RBFOX1: variants seen among roughly 807,000 people sequenced by gnomAD.
RBFOX1 encodes the protein RNA binding fox-1 homolog 1, also known as RNA binding protein fox-1 homolog 1.
A neutral mutation model predicts 57.7 loss-of-function variants in RBFOX1; 8 were observed. That is an observed-to-expected ratio of 0.14 (90% CI 0.08 to 0.25). The LOEUF is 0.25. Among genes scored for constraint, RBFOX1 ranks in the 10% least tolerant of loss-of-function variants. RBFOX1 has a pLI of 1.00. For missense variants in RBFOX1, 611 were observed against 548.5 expected, an observed-to-expected ratio of 1.11 and a Z score of -1.14; for synonymous variants, 326 against 222.4, an observed-to-expected ratio of 1.47 and a Z score of -4.15.
At chr16:7,170,055 T>C (rs112114178) in intron 4 of RBFOX1, among the ~76,000 whole-genome samples, 30,314 of 152,094 alleles carry the variant, frequency 0.2, 3,451 homozygotes, top group East Asian at 0.42. Context: ...GCCTAGGTGA[T>C]AGAGGAAGAC....
intron 4 of RBFOX1, among the ~76,000 whole-genome samples, chr16:7,345,310 C>G (rs546881288): frequency 6.6e-5 from 10 of 152,234 alleles, no homozygotes; most frequent in Admixed American, 6.5e-4. Context: ...AGTGTAAACA[C>G]TGAGGGGCCT....
intron 1 of RBFOX1, among the ~76,000 whole-genome samples, chr16:6,251,439 T>C (rs2097610858): frequency 6.6e-6 from 1 of 152,140 alleles, no homozygotes. Context: ...CTAAGGTCCT[T>C]AGGTCTCCAA....
chr16:7,407,086 T>C (rs1197099196), intron 4 of RBFOX1, among the ~76,000 whole-genome samples: 1 of 152,098 alleles, frequency 6.6e-6, no homozygotes, highest in Non-Finnish European at 1.5e-5. Flanking sequence ...TTTCATAGGT[T>C]TTTGGGGGAA....
intron 4 of RBFOX1, among the ~76,000 whole-genome samples, chr16:7,187,576 C>G (rs2084197153): frequency 6.6e-6 from 1 of 151,206 alleles, no homozygotes; most frequent in Non-Finnish European, 1.5e-5. Flanking sequence ...GTAGTCCCAC[C>G]TACTCGGGAG....
intron 4 of RBFOX1, among the ~76,000 whole-genome samples, chr16:7,132,433 GACACACAC>G (rs36226659): frequency 0.13 from 19,342 of 144,594 alleles, 1,338 homozygotes; most frequent in East Asian, 0.26. Context: ...GTGATACACA[GACACACAC>G]ACACACACAC....
At chr16:7,023,631 C>G (rs1368933585) in intron 3 of RBFOX1, among the ~76,000 whole-genome samples, 2 of 141,288 alleles carry the variant, frequency 1.4e-5, no homozygotes, top group African/African-American at 5.4e-5. Context: ...ATAATTTCAG[C>G]ACTGGGAAGG....
chr16:6,951,364 C>G (rs769030657), intron 3 of RBFOX1, among the ~76,000 whole-genome samples: 7 of 152,098 alleles, frequency 4.6e-5, no homozygotes, highest in African/African-American at 1.7e-4. Flanking sequence ...CTCTTTCTAC[C>G]AAATAAATCA....
intron 2 of RBFOX1, among the ~76,000 whole-genome samples, chr16:6,573,406 C>T (rs2097373063): frequency 6.6e-6 from 1 of 152,160 alleles, no homozygotes; most frequent in Admixed American, 6.5e-5. Flanking sequence ...TTATCCTGGC[C>T]TGTCTCTTGA....
chr16:7,427,096 G>A (rs538449916), intron 4 of RBFOX1, among the ~76,000 whole-genome samples: 11 of 152,244 alleles, frequency 7.2e-5, no homozygotes, highest in Admixed American at 2.6e-4. Flanking sequence ...GGGGAACATC[G>A]TGTGACCGGG....
At position 6,019,839 on chromosome 16, in the gene RBFOX1, G is replaced by A; in HGVS notation, c.-280G>A. On this transcript the variant is annotated 5_prime_UTR_variant, in exon 1 of 16. Coordinates refer to ENST00000550418, the MANE Select transcript of RBFOX1 (RefSeq NM_018723.4). This position sits in a 1 kb window ranked among gnomAD's most constrained non-coding sequence, Gnocchi z 4.2. Reference sequence around the variant, plus strand: ...AGGCGCGCCAGGGCGGGGCTGACCTGCCCGCGAAGTTGCGGACAGTGCGTG... The same window carrying A: ...AGGCGCGCCAGGGCGGGGCTGACCTACCCGCGAAGTTGCGGACAGTGCGTG... 1 of 1,524,826 alleles carries A rather than the reference G, an allele frequency of 6.6e-7. No homozygotes were observed. The highest frequency in any genetic ancestry group is 1.2e-5 in the South Asian group (1 of 83,012). The allele number at this position is 1,524,826 out of a possible 1,614,324, so 94.5% of individuals were successfully genotyped here.
At chr16:6,937,004 A>C (rs1411998141) in intron 3 of RBFOX1, among the ~76,000 whole-genome samples, 1 of 151,546 alleles carries the variant, frequency 6.6e-6, no homozygotes, top group East Asian at 1.9e-4. Flanking sequence ...ATGACGAGTT[A>C]GTGGGGGTAG....
At chr16:6,445,422 G>A (rs1263294455) in intron 2 of RBFOX1, among the ~76,000 whole-genome samples, 1 of 151,920 alleles carries the variant, frequency 6.6e-6, no homozygotes, top group African/African-American at 2.4e-5. Context: ...TCTCAGTTGA[G>A]GTTATTGCGT....
intron 2 of RBFOX1, among the ~76,000 whole-genome samples, chr16:5,502,120 G>A (rs1013350476): frequency 6.6e-6 from 1 of 152,118 alleles, no homozygotes; most frequent in Admixed American, 6.5e-5. Context: ...CCGGCAGAAG[G>A]TGGTTGTAGG....
chr16:6,312,329 C>G (rs2080431771), intron 1 of RBFOX1, among the ~76,000 whole-genome samples: 1 of 152,134 alleles, frequency 6.6e-6, no homozygotes, highest in African/African-American at 2.4e-5. Context: ...CCCCAAAACC[C>G]TCCTCCATGG....
At chr16:5,790,813 T>C (rs1162219678) in intron 3 of RBFOX1, among the ~76,000 whole-genome samples, 1 of 151,970 alleles carries the variant, frequency 6.6e-6, no homozygotes, top group East Asian at 1.9e-4. Flanking sequence ...CTGCTGCTGC[T>C]CTTGTGGCCC....
intron 3 of RBFOX1, among the ~76,000 whole-genome samples, chr16:5,617,675 A>G (rs901375855): frequency 2.0e-5 from 3 of 152,190 alleles, no homozygotes; most frequent in East Asian, 1.9e-4. Context: ...TCTGAGGACT[A>G]TACCCTGGAA....
In RBFOX1 at chr16:6,892,534, G is replaced by T. The variant is rs9938374; in HGVS notation, c.-15-159523G>T. On this transcript the variant is annotated intron_variant, in intron 3 of 15. Coordinates refer to ENST00000550418, the MANE Select transcript of RBFOX1 (RefSeq NM_018723.4). ...AAAATACAAAAATTAGCTGCGCATG[G>T]TGGCACACACCTGTAATCTCTGCTA... Among the ~76,000 whole-genome samples the T allele has an allele frequency of 6.7e-3, 1,016 of 152,216 alleles. 12 individuals carry two copies. Among genetic ancestry groups the T allele is most frequent in the African/African-American group, 0.023 (959 of 41,530 alleles).
At chr16:6,405,097 C>A (rs114407853) in intron 2 of RBFOX1, among the ~76,000 whole-genome samples, 7 of 152,270 alleles carry the variant, frequency 4.6e-5, no homozygotes, top group African/African-American at 1.7e-4. Flanking sequence ...CATTCTCATG[C>A]TTTAATAGAA....
At chr16:6,455,706 T>C (rs1197672693) in intron 2 of RBFOX1, among the ~76,000 whole-genome samples, 1 of 152,146 alleles carries the variant, frequency 6.6e-6, no homozygotes, top group African/African-American at 2.4e-5. Flanking sequence ...TCTCCTACAC[T>C]TCACAAAGCA....
Sources: allele counts gnomAD v4.1 joint callset (sites outside exome capture counted in the v4.1 genomes callset), GRCh38; gene constraint gnomAD v4.1.1; non-coding constraint Gnocchi (gnomAD v3.1); transcripts MANE v1.5; gene names NCBI Gene and HGNC (gene_info 2026-07-23, HGNC 2026-07-21).